The following ATXN2 variants were observed in gnomAD, a reference collection of about 807,000 sequenced individuals.
ATXN2 encodes the protein ataxin-2.
A neutral mutation model predicts 138.6 loss-of-function variants in ATXN2; 37 were observed. That is an observed-to-expected ratio of 0.27 (90% CI 0.21 to 0.35). ATXN2 has a LOEUF of 0.35. ATXN2 is among the 10% of genes least tolerant of loss of function. The pLI is 1.00. For missense variants in ATXN2, 1,216 were observed against 1,480.3 expected (o/e 0.82, Z 2.93); for synonymous variants, 549 against 543.7 (o/e 1.01, Z -0.13).
At chr12:111,510,278 T>A in intron 12 of ATXN2, 107 bp downstream of exon 12, 3 of 1,246,206 alleles carry the variant, frequency 2.4e-6, no homozygotes. Context: ...GCACTAAAAA[T>A]ACTTGTCTAT....
intron 5 of ATXN2, among the ~76,000 whole-genome samples, chr12:111,539,530 G>A (rs1249207589): frequency 6.7e-6 from 1 of 150,130 alleles, no homozygotes; most frequent in Admixed American, 6.7e-5. Context: ...GATGGATCAC[G>A]AGGTCAGGAG....
intron 18 of ATXN2, chr12:111,472,029 C>A (rs1876451016): frequency 6.6e-6 from 1 of 152,120 alleles, no homozygotes; most frequent in Non-Finnish European, 1.5e-5. Flanking sequence ...CTTTAGGAGG[C>A]CAGGGCGAGC....
chr12:111,506,945 C>T (rs1445650213), intron 14 of ATXN2, among the ~76,000 whole-genome samples: 9 of 151,942 alleles, frequency 5.9e-5, no homozygotes, highest in African/African-American at 1.2e-4. Context: ...GGATTGCAGA[C>T]GGAGTCTCGT....
chr12:111,545,076 G>A lies in ATXN2; in HGVS notation c.571+7204C>T, dbSNP rs546447647. Among the ~76,000 whole-genome samples, 1,425 of 151,934 alleles carry A rather than the reference G, an allele frequency of 9.4e-3. 22 individuals carry two copies. Among genetic ancestry groups the A allele is most frequent in the African/African-American group, 0.033 (1,355 of 41,442 alleles). On this transcript the variant is annotated intron_variant, in intron 5 of 24. Coordinates refer to ENST00000673436, the MANE Select transcript of ATXN2 (RefSeq NM_001372574.1). The stretch of plus-strand genomic sequence containing the variant: ...CGGGAGGCTGAGGCAGGAGAATGGC[G>A]TGAACCCGGGAGGCGGAGCTTGCAG...
At chr12:111,480,437 T>A (rs1434782005) in intron 18 of ATXN2, among the ~76,000 whole-genome samples, 1 of 151,978 alleles carries the variant, frequency 6.6e-6, no homozygotes, top group Non-Finnish European at 1.5e-5. Flanking sequence ...CCTCCCAGGG[T>A]GCCAGGAGAC....
intron 5 of ATXN2, among the ~76,000 whole-genome samples, chr12:111,534,459 G>C (rs1043909612): frequency 2.6e-5 from 4 of 151,988 alleles, no homozygotes; most frequent in African/African-American, 9.7e-5. Flanking sequence ...TATATATGTT[G>C]AACACCTGTT....
At chr12:111,582,977 GTTTTTTTTTTTGTTTGTTTT>G (rs1884095097) in intron 1 of ATXN2, among the ~76,000 whole-genome samples, 1 of 109,442 alleles carries the variant, frequency 9.1e-6, no homozygotes. Context: ...CAGTATCTCA[GTTTTTTTTTTTGTTTGTTTT>G]TTTTTTTTTT....
intron 1 of ATXN2, among the ~76,000 whole-genome samples, chr12:111,585,369 C>A (rs141683900): frequency 0.013 from 1,947 of 151,628 alleles, 23 homozygotes; most frequent in Non-Finnish European, 0.017. Context: ...AAAAATTATC[C>A]GGGTGTGGTG....
At chr12:111,493,286 G>A (rs1313601127) in intron 14 of ATXN2, among the ~76,000 whole-genome samples, 1 of 151,908 alleles carries the variant, frequency 6.6e-6, no homozygotes, top group Admixed American at 6.6e-5. Context: ...TGGGCGTGGT[G>A]GCACATGCTT....
intron 5 of ATXN2, among the ~76,000 whole-genome samples, chr12:111,529,203 A>C (rs1880671198): frequency 6.6e-6 from 1 of 152,228 alleles, no homozygotes; most frequent in African/African-American, 2.4e-5. Flanking sequence ...TTGAGAAAAA[A>C]ACAACTGGCT....
chr12:111,549,016 G>A (rs566854224), intron 5 of ATXN2, among the ~76,000 whole-genome samples: 1 of 152,172 alleles, frequency 6.6e-6, no homozygotes, highest in African/African-American at 2.4e-5. Flanking sequence ...CACCGCACCT[G>A]GCCTAGAAAG....
chr12:111,455,496 AG>A (rs1187661565), intron 23 of ATXN2: 3 of 290,742 alleles, frequency 1.0e-5, no homozygotes, highest in African/African-American at 6.5e-5. Context: ...CCAATGTCCA[AG>A]GCCAAGCCCT....
rs76783271 is a variant in ATXN2 at position 111,546,130 on chromosome 12, T to A, written c.571+6150A>T. 4.4e-3 allele frequency among the ~76,000 whole-genome samples: 671 copies of A among 152,264 alleles called. 5 individuals carry two copies. Among genetic ancestry groups the A allele is most frequent in the African/African-American group, 0.015 (637 of 41,560 alleles). ...AGCAAAAGTAATTCTTCAGACTAAA[T>A]CCAATTAGAATGGTCATGAATAAGA... On this transcript the variant is annotated intron_variant, in intron 5 of 24. Coordinates refer to ENST00000673436, the MANE Select transcript of ATXN2 (RefSeq NM_001372574.1).
Position 111,552,277 on chromosome 12 carries a change from C to A in ATXN2, c.571+3G>T. On this transcript the variant is annotated splice_donor_region_variant and intron_variant, in intron 5 of 24. Coordinates refer to ENST00000673436, the MANE Select transcript of ATXN2 (RefSeq NM_001372574.1). The surrounding 1 kb of genome is among the most constrained non-coding windows in gnomAD (Gnocchi z 4.1). ...GAGGCATATTTAGGAAATCAAAACCCACCTCTTTTTGCATAACTGGAGTCC... is the reference window on the plus strand; with the variant it reads ...GAGGCATATTTAGGAAATCAAAACCAACCTCTTTTTGCATAACTGGAGTCC... 1.3e-6 allele frequency: 2 copies of A among 1,584,796 alleles called. No individual in the cohort carries two copies. The highest frequency in any genetic ancestry group is 2.3e-5 in the East Asian group (1 of 43,614).
chr12:111,533,566 C>T (rs770718988), intron 5 of ATXN2, among the ~76,000 whole-genome samples: 3 of 151,224 alleles, frequency 2.0e-5, no homozygotes, highest in Non-Finnish European at 4.4e-5. Context: ...CACTCTGTTG[C>T]GCAGGCTGGA....
intron 1 of ATXN2, among the ~76,000 whole-genome samples, chr12:111,562,966 G>T (rs1248034846): frequency 6.6e-6 from 1 of 152,082 alleles, no homozygotes; most frequent in Non-Finnish European, 1.5e-5. Context: ...CTCTAACCAA[G>T]TGATCAAAGT....
chr12:111,569,908 G>A lies in ATXN2; in HGVS notation c.252-13989C>T, dbSNP rs142121535. Among the ~76,000 whole-genome samples, 400 of 152,256 alleles carry A rather than the reference G, an allele frequency of 2.6e-3. 1 individual carries two copies. The highest frequency in any genetic ancestry group is 9.0e-3 in the African/African-American group (372 of 41,550). On this transcript the variant is annotated intron_variant, in intron 1 of 24. Coordinates refer to ENST00000673436, the MANE Select transcript of ATXN2 (RefSeq NM_001372574.1). ...GATCTTAGGGCTCTAGTCCCATGCT[G>A]TCCAAGAGAACTTTGTACAATGATG...
intron 5 of ATXN2, among the ~76,000 whole-genome samples, chr12:111,526,701 G>A (rs1203951596): frequency 3.3e-5 from 5 of 152,084 alleles, no homozygotes; most frequent in South Asian, 2.1e-4. Flanking sequence ...AACCATGCCC[G>A]GCCTAAAATA....
intron 18 of ATXN2, among the ~76,000 whole-genome samples, chr12:111,474,850 G>A (rs1190131609): frequency 2.6e-5 from 4 of 152,090 alleles, no homozygotes; most frequent in Non-Finnish European, 5.9e-5. Flanking sequence ...TTGGGAGGCC[G>A]AGGCGGGTGG....
Sources: gnomAD v4.1 joint callset for allele counts (sites outside exome capture counted in the v4.1 genomes callset) on GRCh38, gnomAD v4.1.1 for gene constraint, Gnocchi (gnomAD v3.1) non-coding constraint, MANE v1.5 for transcripts, NCBI Gene and HGNC (gene_info 2026-07-23, HGNC 2026-07-21) for gene names.